Variants in DGKB observed in about 807,000 individuals in gnomAD.
DGKB encodes 90 kDa diacylglycerol kinase.
Under a neutral mutation model 114.3 loss-of-function variants are expected in DGKB, and 67 were observed. That is an observed-to-expected ratio of 0.59 (90% CI 0.48 to 0.72). The LOEUF is 0.72. Among genes scored for constraint, DGKB ranks in the 30% least tolerant of loss-of-function variants. The pLI is 0.00. For synonymous variants in DGKB, 398 were observed against 323.1 expected (o/e 1.23, Z -2.49); for missense variants, 907 against 975.2 (o/e 0.93, Z 0.93).
upstream of DGKB, among the ~76,000 whole-genome samples, chr7:14,907,860 A>G (rs898553621): frequency 6.6e-6 from 1 of 152,206 alleles, no homozygotes; most frequent in African/African-American, 2.4e-5. Context: ...AGGGGAGAAG[A>G]TATTCAGTCA....
At chr7:14,920,272 T>C (rs1784449390) in intron 1 of DGKB, among the ~76,000 whole-genome samples, 1 of 152,202 alleles carries the variant, frequency 6.6e-6, no homozygotes, top group South Asian at 2.1e-4. Context: ...AATGCACTTT[T>C]AGTAAAAATA....
chr7:14,596,619 T>A (rs1165911648), intron 17 of DGKB, among the ~76,000 whole-genome samples: 1 of 152,192 alleles, frequency 6.6e-6, no homozygotes, highest in Non-Finnish European at 1.5e-5. Context: ...CCTCTTTTAG[T>A]CAGATCCTAA....
At chr7:14,275,056 T>C (rs1282270334) in intron 23 of DGKB, among the ~76,000 whole-genome samples, 1 of 152,058 alleles carries the variant, frequency 6.6e-6, no homozygotes, top group East Asian at 1.9e-4. Flanking sequence ...TTTTCCTTCT[T>C]TAAAATACAG....
chr7:14,248,666 A>G (rs543567557), intron 23 of DGKB, among the ~76,000 whole-genome samples: 1 of 152,148 alleles, frequency 6.6e-6, no homozygotes, highest in East Asian at 1.9e-4. Flanking sequence ...CAGTTTATAG[A>G]AGTGCAACTA....
At chr7:14,463,081 A>G (rs1160757309) in intron 21 of DGKB, among the ~76,000 whole-genome samples, 1 of 152,172 alleles carries the variant, frequency 6.6e-6, no homozygotes, top group Non-Finnish European at 1.5e-5. Context: ...CACTTTATAC[A>G]AAAATTAACT....
In DGKB at chr7:14,923,931, G is replaced by C. The variant is rs76516602; in HGVS notation, c.-188+50765C>G. On this transcript the variant is annotated intron_variant, in intron 1 of 4. Transcript: ENST00000437998. ...AATCTCTTGAACCCGGGAGGCGGAG[G>C]TTGCAGTGAGCAACTGCACTCCAAC... Among the ~76,000 whole-genome samples the C allele has an allele frequency of 7.8e-4, 108 of 138,004 alleles. 1 individual carries two copies. The highest frequency in any genetic ancestry group is 7.3e-3 in the East Asian group (27 of 3,710). The allele number at this position is 138,004 out of a possible 152,430, so 90.5% of individuals were successfully genotyped here. A position where few individuals can be genotyped will look rare whatever the true frequency, so the allele number is the denominator to read the frequency against.
At chr7:14,825,016 GTATATATATA>G (rs67135250) in intron 2 of DGKB, among the ~76,000 whole-genome samples, 2,818 of 92,386 alleles carry the variant, frequency 0.031, 140 homozygotes, top group Admixed American at 0.14. Context: ...GTATGTGTAT[GTATATATATA>G]TATATATATA....
At chr7:14,873,007 G>A (rs1000933034) in intron 1 of DGKB, among the ~76,000 whole-genome samples, 1 of 151,904 alleles carries the variant, frequency 6.6e-6, no homozygotes, top group East Asian at 1.9e-4. Flanking sequence ...CCTTGCCTCC[G>A]ATGCCAAAGT....
chr7:14,238,215 A>G (rs560523061), intron 23 of DGKB, among the ~76,000 whole-genome samples: 43 of 152,104 alleles, frequency 2.8e-4, no homozygotes, highest in Middle Eastern at 3.4e-3. Flanking sequence ...GTGGAAGGTG[A>G]TTGGATCACG....
intron 4 of DGKB, among the ~76,000 whole-genome samples, chr7:14,737,889 T>C (rs1439422005): frequency 8.3e-6 from 1 of 120,766 alleles, no homozygotes; most frequent in Non-Finnish European, 1.6e-5. Flanking sequence ...TGAGACTCCG[T>C]CTCAAAAAAA....
At chr7:14,446,722 A>C (rs1830769819) in intron 21 of DGKB, among the ~76,000 whole-genome samples, 1 of 152,124 alleles carries the variant, frequency 6.6e-6, no homozygotes, top group Non-Finnish European at 1.5e-5. Flanking sequence ...GGGTTCTGTC[A>C]AAAAGACTTT....
chr7:14,554,374 T>C (rs1258869712), intron 20 of DGKB, among the ~76,000 whole-genome samples: 1 of 152,204 alleles, frequency 6.6e-6, no homozygotes, highest in East Asian at 1.9e-4. Context: ...CAATTTGTTT[T>C]TGTAATTTAA....
intron 21 of DGKB, among the ~76,000 whole-genome samples, chr7:14,470,760 T>C (rs1258623159): frequency 1.3e-5 from 2 of 151,700 alleles, no homozygotes; most frequent in African/African-American, 4.8e-5. Flanking sequence ...CAATTTTCAA[T>C]TGGCTTTTTT....
intron 21 of DGKB, among the ~76,000 whole-genome samples, chr7:14,415,273 T>G (rs1825525528): frequency 6.9e-6 from 1 of 145,914 alleles, no homozygotes; most frequent in African/African-American, 2.5e-5. Flanking sequence ...TTTTTAAATT[T>G]TAGTATTATT....
At chr7:14,764,549 C>T (rs1338303161) in intron 2 of DGKB, among the ~76,000 whole-genome samples, 6 of 151,894 alleles carry the variant, frequency 4.0e-5, no homozygotes, top group Non-Finnish European at 7.4e-5. Flanking sequence ...AATTAGCCTA[C>T]ATCTCCATGA....
chr7:14,533,613 C>G (rs549419755), intron 20 of DGKB, among the ~76,000 whole-genome samples: 2 of 151,864 alleles, frequency 1.3e-5, no homozygotes, highest in East Asian at 3.9e-4. Context: ...CTAAAGAAGT[C>G]TACAATGAGA....
intron 17 of DGKB, among the ~76,000 whole-genome samples, chr7:14,594,438 G>C (rs1429764429): frequency 1.3e-5 from 2 of 152,022 alleles, no homozygotes; most frequent in East Asian, 3.8e-4. Flanking sequence ...GATGTAGTAA[G>C]TTGAAAATGA....
intron 5 of DGKB, among the ~76,000 whole-genome samples, chr7:14,729,625 C>T (rs991886827): frequency 3.9e-5 from 6 of 152,176 alleles, no homozygotes; most frequent in Non-Finnish European, 8.8e-5. Context: ...CCCTCTCCAA[C>T]TTTACCTGGA....
intron 23 of DGKB, among the ~76,000 whole-genome samples, chr7:14,326,366 AAAG>A (rs1808727572): frequency 6.6e-6 from 1 of 152,092 alleles, no homozygotes; most frequent in African/African-American, 2.4e-5. Flanking sequence ...CAAAAAAATG[AAAG>A]AAAAGTCAGT....
Sources: allele counts gnomAD v4.1 joint callset (sites outside exome capture counted in the v4.1 genomes callset), GRCh38; gene constraint gnomAD v4.1.1; transcripts MANE v1.5; gene names NCBI Gene and HGNC (gene_info 2026-07-23, HGNC 2026-07-21).